Variants in MORF4L1 observed in about 807,000 individuals in gnomAD.
MORF4L1 encodes mortality factor 4-like protein 1.
MORF4L1 carries 4 observed loss-of-function variants against 52.9 expected under a neutral mutation model. The observed-to-expected ratio is 0.08, with a 90% CI of 0.04 to 0.17. The LOEUF is 0.17. Among genes scored for constraint, MORF4L1 ranks in the 10% least tolerant of loss-of-function variants. The pLI is 1.00. For missense variants in MORF4L1, 214 were observed against 390.4 expected (o/e 0.55, Z 3.81); for synonymous variants, 123 against 134.8 (o/e 0.91, Z 0.61).
intron 11 of MORF4L1, among the ~76,000 whole-genome samples, chr15:78,895,406 AATG>A (rs2056870589): frequency 1.3e-5 from 2 of 152,256 alleles, no homozygotes; most frequent in Non-Finnish European, 2.9e-5. Context: ...TGTCAGAAAT[AATG>A]ATGAAAGTAT....
intron 1 of MORF4L1, among the ~76,000 whole-genome samples, chr15:78,876,124 G>A (rs1295401929): frequency 6.6e-6 from 1 of 151,862 alleles, no homozygotes; most frequent in Non-Finnish European, 1.5e-5. Context: ...TTTTAGTAGA[G>A]ACGGGGTTTC....
intron 1 of MORF4L1, 128 bp downstream of exon 1, chr15:78,873,185 G>T: frequency 6.6e-7 from 1 of 1,522,272 alleles, no homozygotes; most frequent in Non-Finnish European, 8.8e-7. Flanking sequence ...TCAGTGCTTT[G>T]TGCGGGGAAA....
At position 78,894,437 on chromosome 15, in the gene MORF4L1, CAG is replaced by C. The variant is rs1182378099; in HGVS notation, c.802+208_802+209del. ...TATAATTTTTTTTTTTTGAGACAGA[CAG>C]TCTCTGTTGCCCAGGCTGGAGTGCA... On this transcript the variant is annotated intron_variant, in intron 10 of 11. Transcript: ENST00000426013. 39 of 358,958 alleles carry C rather than the reference CAG, an allele frequency of 1.1e-4. 1 individual carries two copies. The highest frequency in any genetic ancestry group is 1.8e-4 in the African/African-American group (4 of 22,362). The allele number at this position is 358,958 out of a possible 1,614,324, so 22.2% of individuals were successfully genotyped here. A position where few individuals can be genotyped will look rare whatever the true frequency, so the allele number is the denominator to read the frequency against.
chr15:78,891,055 C>G, intron 6 of MORF4L1, 41 bp downstream of exon 6: 1 of 1,463,864 alleles, frequency 6.8e-7, no homozygotes, highest in Non-Finnish European at 9.3e-7. Flanking sequence ...TATGTTACCT[C>G]TATGACATTG....
At chr15:78,873,564 C>T (rs1302300733) in intron 1 of MORF4L1, among the ~76,000 whole-genome samples, 2 of 152,074 alleles carry the variant, frequency 1.3e-5, no homozygotes, top group African/African-American at 4.8e-5. Flanking sequence ...GGGTTTGGCG[C>T]CACGGGGCGG....
intron 1 of MORF4L1, among the ~76,000 whole-genome samples, chr15:78,874,180 C>G (rs993510559): frequency 4.6e-5 from 7 of 152,210 alleles, no homozygotes; most frequent in African/African-American, 1.7e-4. Context: ...AACACTTTAA[C>G]ATTCCTTTTC....
intron 11 of MORF4L1, among the ~76,000 whole-genome samples, chr15:78,896,706 C>T (rs1596254554): frequency 6.6e-6 from 1 of 152,090 alleles, no homozygotes; most frequent in East Asian, 1.9e-4. Flanking sequence ...GTTCAAGCTC[C>T]CAAGTTGGTA....
intron 5 of MORF4L1, among the ~76,000 whole-genome samples, chr15:78,888,719 TAAAAAA>T (rs772450264): frequency 6.6e-6 from 1 of 152,066 alleles, no homozygotes; most frequent in Non-Finnish European, 1.5e-5. Context: ...TCCAGCCTCT[TAAAAAA>T]AGTAAGGTGT....
chr15:78,892,002 TAA>T (rs537011126), intron 7 of MORF4L1, among the ~76,000 whole-genome samples: 107 of 152,284 alleles, frequency 7.0e-4, no homozygotes, highest in Admixed American at 1.5e-3. Flanking sequence ...GAAAATGCAC[TAA>T]ATAGACTATA....
intron 8 of MORF4L1, chr15:78,892,566 G>A: frequency 3.1e-6 from 1 of 327,660 alleles, no homozygotes; most frequent in Non-Finnish European, 5.6e-6. Flanking sequence ...GATTGCTAGG[G>A]CAGGAACTCG....
chr15:78,894,842 T>G lies in MORF4L1; in HGVS notation c.825T>G (p.Ala275=). 6.2e-7 allele frequency: 1 copy of G among 1,613,690 alleles called. No homozygotes were observed. The highest frequency in any genetic ancestry group is 8.5e-7 in the Non-Finnish European group (1 of 1,179,602). ...RLFVRIGAML[A]YTPLDEKSLA... is the part of the protein sequence containing the mutation. ...CAGTACGAATTGGAGCAATGTTGGC[T>G]TATACACCTCTGGATGAGAAGAGCC... Residue 275 remains alanine (A), a synonymous_variant, in exon 11 of 12, where the codon GCT becomes GCG. Coordinates refer to ENST00000426013, the MANE Select transcript of MORF4L1 (RefSeq NM_006791.4).
chr15:78,883,827 C>T (rs145160614), intron 3 of MORF4L1, among the ~76,000 whole-genome samples: 234 of 152,182 alleles, frequency 1.5e-3, no homozygotes, highest in African/African-American at 5.5e-3. Flanking sequence ...ATTCAGATAC[C>T]TAGTGTGTTG....
At chr15:78,886,657 A>T (rs896373658) in intron 4 of MORF4L1, among the ~76,000 whole-genome samples, 10 of 152,170 alleles carry the variant, frequency 6.6e-5, no homozygotes, top group Non-Finnish European at 1.3e-4. Context: ...ATGTATTTTT[A>T]AAAAAATTAA....
chr15:78,873,510 C>A (rs1169572679), intron 1 of MORF4L1, among the ~76,000 whole-genome samples: 1 of 152,026 alleles, frequency 6.6e-6, no homozygotes, highest in Admixed American at 6.5e-5. Flanking sequence ...TCCTGGAGCC[C>A]CGGGGTGGTT....
In MORF4L1 at chr15:78,886,613, ACT is replaced by A. The variant is rs776097744; in HGVS notation, c.242+389_242+390del. ...AGCACGGGAAAAGGGACCCTGAAAG[ACT>A]CTATGATTTATAGGGTAATCTCAAA... On this transcript the variant is annotated intron_variant, in intron 4 of 11. Coordinates refer to ENST00000426013, the MANE Select transcript of MORF4L1 (RefSeq NM_006791.4). Among the ~76,000 whole-genome samples, 7 of 152,242 alleles carry A rather than the reference ACT, an allele frequency of 4.6e-5. No homozygotes were observed. The East Asian group carries it at 5.8e-4, about 13-fold the overall frequency.
At chr15:78,890,259 C>T (rs945808337) in intron 5 of MORF4L1, among the ~76,000 whole-genome samples, 9 of 151,102 alleles carry the variant, frequency 6.0e-5, no homozygotes, top group South Asian at 2.1e-4. Flanking sequence ...ATATAAGTGA[C>T]GTGAGGTAAG....
At chr15:78,878,473 TA>T (rs2056536831) in intron 2 of MORF4L1, among the ~76,000 whole-genome samples, 1 of 152,242 alleles carries the variant, frequency 6.6e-6, no homozygotes, top group Non-Finnish European at 1.5e-5. Flanking sequence ...CCACTTTTCT[TA>T]CTCATCTGGA....
At chr15:78,876,637 GA>G in intron 1 of MORF4L1, 2 of 455,288 alleles carry the variant, frequency 4.4e-6, no homozygotes, top group Non-Finnish European at 8.8e-6. Context: ...GTGAAATTAG[GA>G]AACACAGATC....
At chr15:78,888,318 T>G (rs2056741661) in intron 5 of MORF4L1, among the ~76,000 whole-genome samples, 1 of 151,770 alleles carries the variant, frequency 6.6e-6, no homozygotes, top group East Asian at 1.9e-4. Flanking sequence ...ATAAAAAAAT[T>G]AGCTCGGGGG....
Sources: allele counts gnomAD v4.1 joint callset (sites outside exome capture counted in the v4.1 genomes callset), GRCh38; gene constraint gnomAD v4.1.1; transcripts MANE v1.5; gene names NCBI Gene and HGNC (gene_info 2026-07-23, HGNC 2026-07-21).